Variants in STXBP5L observed in about 807,000 individuals in gnomAD.
The protein encoded by STXBP5L is syntaxin-binding protein 5-like.
In STXBP5L, 65 loss-of-function variants were observed where a neutral mutation model predicts 144.5. That is an observed-to-expected ratio of 0.45 (90% CI 0.37 to 0.55). The LOEUF is 0.55. STXBP5L is among the 20% of genes least tolerant of loss of function. The pLI is 0.00. For missense variants in STXBP5L, 1,298 were observed against 1,405.5 expected (o/e 0.92, Z 1.22); for synonymous variants, 505 against 469.6 (o/e 1.08, Z -0.97).
At chr3:121,250,911 G>A (rs2050007145) in intron 15 of STXBP5L, 148 bp downstream of exon 15, 2 of 610,218 alleles carry the variant, frequency 3.3e-6, no homozygotes, top group African/African-American at 3.8e-5. Flanking sequence ...TACCTACACT[G>A]TTAGATCAGT....
intron 5 of STXBP5L, among the ~76,000 whole-genome samples, chr3:121,097,726 G>A (rs544457636): frequency 3.9e-5 from 6 of 152,254 alleles, no homozygotes; most frequent in Admixed American, 1.3e-4. Flanking sequence ...TGTCGATCTC[G>A]CTGGGAACTG....
intron 10 of STXBP5L, among the ~76,000 whole-genome samples, chr3:121,218,326 A>G (rs979999384): frequency 7.0e-6 from 1 of 142,800 alleles, no homozygotes; most frequent in African/African-American, 2.6e-5. Context: ...ACTATATACT[A>G]CTAGCTTATA....
chr3:121,031,816 T>C (rs894107464), intron 3 of STXBP5L, among the ~76,000 whole-genome samples: 2 of 151,970 alleles, frequency 1.3e-5, no homozygotes, highest in African/African-American at 4.8e-5. Context: ...TGGGCAAAAA[T>C]AGATGTACTC....
At chr3:121,331,282 T>G (rs182946021) in intron 20 of STXBP5L, among the ~76,000 whole-genome samples, 1 of 152,256 alleles carries the variant, frequency 6.6e-6, no homozygotes, top group East Asian at 1.9e-4. Context: ...CGGGTGCTCA[T>G]GAAAGATCTT....
At chr3:121,207,418 G>A (rs1261412105) in intron 10 of STXBP5L, among the ~76,000 whole-genome samples, 10 of 152,070 alleles carry the variant, frequency 6.6e-5, no homozygotes, top group Non-Finnish European at 1.0e-4. Flanking sequence ...GGACATAGAC[G>A]TGGGCAAGGA....
chr3:121,241,364 A>G (rs965342099), intron 14 of STXBP5L, among the ~76,000 whole-genome samples: 5 of 123,182 alleles, frequency 4.1e-5, no homozygotes, highest in African/African-American at 1.6e-4. Flanking sequence ...GTTTAACAAC[A>G]ACACACACAC....
intron 20 of STXBP5L, among the ~76,000 whole-genome samples, chr3:121,328,269 A>C (rs1050523720): frequency 6.6e-6 from 1 of 152,190 alleles, no homozygotes; most frequent in African/African-American, 2.4e-5. Flanking sequence ...TATACCATAC[A>C]CTATGCTAAG....
rs1054613375 is a variant in STXBP5L, at chr3:121,306,441, C to T, written c.2111-12034C>T. On this transcript the variant is annotated intron_variant, in intron 19 of 26. Transcript: ENST00000471454. ...CCCTGATTGCCCTTACCCCATCTTG[C>T]TCATAGGGCAGAAGTTTTATGCTTG... Among the ~76,000 whole-genome samples, 3 of 152,146 alleles carry T rather than the reference C, an allele frequency of 2.0e-5. No homozygotes were observed. In the South Asian group the frequency reaches 6.2e-4, roughly 32 times the overall value.
chr3:121,023,014 T>G (rs1001034584), intron 3 of STXBP5L, among the ~76,000 whole-genome samples: 14 of 152,144 alleles, frequency 9.2e-5, no homozygotes, highest in Non-Finnish European at 1.5e-4. Flanking sequence ...AAGACTCATC[T>G]AAAAAGCTCC....
chr3:121,130,704 T>C (rs189236223), intron 7 of STXBP5L, among the ~76,000 whole-genome samples: 1 of 152,134 alleles, frequency 6.6e-6, no homozygotes, highest in Non-Finnish European at 1.5e-5. Context: ...AATAGCAGTA[T>C]ACTGTATTAT....
At chr3:121,337,110 G>A (rs552877110) in intron 20 of STXBP5L, among the ~76,000 whole-genome samples, 6 of 152,236 alleles carry the variant, frequency 3.9e-5, no homozygotes, top group Non-Finnish European at 7.4e-5. Context: ...TGGTGGGTGG[G>A]AGGAGGGAGA....
rs200287642 is a variant in STXBP5L at position 121,352,215 on chromosome 3, G to C, written c.2177-26501G>C. ...CTTTAAAGTATTTTTTTCCAATTCT[G>C]TGAAGAAAGTCATTGGTAGCTTGAT... On this transcript the variant is annotated intron_variant, in intron 20 of 26. Coordinates refer to ENST00000471454, the MANE Select transcript of STXBP5L (RefSeq NM_001308330.2). Among the ~76,000 whole-genome samples, 5 of 152,158 alleles carry C rather than the reference G, an allele frequency of 3.3e-5. No homozygotes were observed. The East Asian group carries it at 9.6e-4, about 29-fold the overall frequency.
At chr3:121,064,451 A>G (rs2041445448) in intron 5 of STXBP5L, among the ~76,000 whole-genome samples, 1 of 152,222 alleles carries the variant, frequency 6.6e-6, no homozygotes, top group Non-Finnish European at 1.5e-5. Context: ...ATTTCTGTTT[A>G]ACAAATGGCT....
At chr3:121,311,603 G>C (rs2043531709) in intron 19 of STXBP5L, among the ~76,000 whole-genome samples, 1 of 152,116 alleles carries the variant, frequency 6.6e-6, no homozygotes, top group Non-Finnish European at 1.5e-5. Context: ...TTGCTTCAAA[G>C]AGAATAAAAT....
intron 19 of STXBP5L, among the ~76,000 whole-genome samples, chr3:121,313,472 A>T (rs1230320978): frequency 1.7e-5 from 1 of 57,240 alleles, no homozygotes; most frequent in Non-Finnish European, 3.2e-5. Flanking sequence ...GGACGGGGCG[A>T]CTGGCCGGGC....
rs141551914 is a variant in STXBP5L, at chr3:121,024,426, G to C, written c.288-17274G>C. Among the ~76,000 whole-genome samples, 410 of 152,162 alleles carry C rather than the reference G, an allele frequency of 2.7e-3. 1 individual carries two copies. Among genetic ancestry groups the C allele is most frequent in the African/African-American group, 9.2e-3 (382 of 41,514 alleles). ...AATCTTTTTGGGGTTACTACTGAATGCCTCTGGTTGAGCATTGAGATATCT... is the reference window on the plus strand; with the variant it reads ...AATCTTTTTGGGGTTACTACTGAATCCCTCTGGTTGAGCATTGAGATATCT... On this transcript the variant is annotated intron_variant, in intron 3 of 26. Transcript: ENST00000471454.
intron 22 of STXBP5L, among the ~76,000 whole-genome samples, chr3:121,398,167 C>G (rs1348221215): frequency 6.6e-6 from 1 of 152,204 alleles, no homozygotes; most frequent in East Asian, 1.9e-4. Context: ...GTAGATATAA[C>G]AATTTGAATT....
At chr3:121,280,289 T>G (rs2051013959) in intron 19 of STXBP5L, among the ~76,000 whole-genome samples, 1 of 151,878 alleles carries the variant, frequency 6.6e-6, no homozygotes, top group Admixed American at 6.6e-5. Flanking sequence ...TGAAAAAAAC[T>G]GCTTGCAATG....
At chr3:121,172,976 C>G (rs779457488) in intron 9 of STXBP5L, among the ~76,000 whole-genome samples, 2 of 151,928 alleles carry the variant, frequency 1.3e-5, no homozygotes, top group Non-Finnish European at 2.9e-5. Flanking sequence ...GTGGCACATA[C>G]ACACCATGGA....
Sources: gnomAD v4.1 joint callset for allele counts (sites outside exome capture counted in the v4.1 genomes callset) on GRCh38, gnomAD v4.1.1 for gene constraint, MANE v1.5 for transcripts, NCBI Gene and HGNC (gene_info 2026-07-23, HGNC 2026-07-21) for gene names.